Variants in CPEB3 observed in about 807,000 individuals in gnomAD.
CPEB3 encodes the protein cytoplasmic polyadenylation element binding protein 3, also known as cytoplasmic polyadenylation element-binding protein 3.
Under a neutral mutation model 67.2 loss-of-function variants are expected in CPEB3, and 20 were observed. That is an observed-to-expected ratio of 0.30 (90% confidence interval 0.21 to 0.43). CPEB3 has a LOEUF of 0.43. CPEB3 is among the 20% of genes least tolerant of loss of function. The pLI, the probability that CPEB3 is intolerant of heterozygous loss-of-function variation, is 1.00. For missense variants in CPEB3, 746 were observed against 968.6 expected (o/e 0.77, Z 3.05); for synonymous variants, 376 against 393.1 (o/e 0.96, Z 0.51).
intron 1 of CPEB3, among the ~76,000 whole-genome samples, chr10:92,281,444 C>T (rs1402435692): frequency 2.6e-5 from 4 of 152,008 alleles, no homozygotes; most frequent in East Asian, 3.9e-4. Flanking sequence ...AAATATAAGT[C>T]CCTTTTCAGA....
At chr10:92,260,396 C>T (rs1671991981) in intron 1 of CPEB3, among the ~76,000 whole-genome samples, 1 of 151,650 alleles carries the variant, frequency 6.6e-6, no homozygotes, top group African/African-American at 2.4e-5. Flanking sequence ...ACTAAAAATA[C>T]AAAAATTAGC....
intron 2 of CPEB3, among the ~76,000 whole-genome samples, chr10:92,224,349 T>A (rs1481091034): frequency 6.6e-6 from 1 of 152,190 alleles, no homozygotes; most frequent in Admixed American, 6.5e-5. Flanking sequence ...AAAAAAGCCT[T>A]ACAATAGCTA....
rs1316534639 is a variant in CPEB3, at chr10:92,050,084, G to T, written c.*2128C>A. ...TCCTTAAAAACAAAAAAAAAAATCTGCCAACTTTTGAAAACTGTCTAGAAT... is the reference window on the plus strand; with the variant it reads ...TCCTTAAAAACAAAAAAAAAAATCTTCCAACTTTTGAAAACTGTCTAGAAT... On this transcript the variant is annotated 3_prime_UTR_variant, in exon 10 of 10. Coordinates refer to ENST00000265997, the MANE Select transcript of CPEB3 (RefSeq NM_014912.5). The T allele has an allele frequency of 1.3e-5, 2 of 151,136 alleles. No individual in the cohort carries two copies. Among genetic ancestry groups the T allele is most frequent in the Non-Finnish European group, 3.0e-5 (2 of 67,796 alleles). 9.4% of individuals were successfully genotyped at this position (151,136 alleles called of 1,614,324 possible).
intron 9 of CPEB3, among the ~76,000 whole-genome samples, chr10:92,075,424 A>G (rs1842896218): frequency 6.6e-6 from 1 of 152,228 alleles, no homozygotes; most frequent in Non-Finnish European, 1.5e-5. Flanking sequence ...GACATGAAAT[A>G]CGGGATGATT....
intron 5 of CPEB3, among the ~76,000 whole-genome samples, chr10:92,143,807 G>T (rs1284915552): frequency 1.3e-5 from 2 of 152,128 alleles, no homozygotes; most frequent in African/African-American, 2.4e-5. Flanking sequence ...CTAATCAATA[G>T]ATGAGATTAA....
intron 2 of CPEB3, among the ~76,000 whole-genome samples, chr10:92,227,080 A>G (rs1851012724): frequency 6.6e-6 from 1 of 152,194 alleles, no homozygotes; most frequent in Non-Finnish European, 1.5e-5. Flanking sequence ...TATAAAATGA[A>G]AACTAATAGG....
At chr10:92,202,458 T>G (rs1849564955) in intron 2 of CPEB3, among the ~76,000 whole-genome samples, 1 of 149,196 alleles carries the variant, frequency 6.7e-6, no homozygotes, top group South Asian at 2.1e-4. Flanking sequence ...CATTCAGCAG[T>G]AAAAATAAAT....
chr10:92,063,075 T>C (rs1486174573), intron 9 of CPEB3, among the ~76,000 whole-genome samples: 4 of 152,138 alleles, frequency 2.6e-5, no homozygotes, highest in African/African-American at 9.7e-5. Context: ...GCTAGAGAAG[T>C]TGGTAAAGGG....
At position 92,164,056 on chromosome 10, in the gene CPEB3, T is replaced by C. The variant is rs561158307; in HGVS notation, c.1222+16907A>G. On this transcript the variant is annotated intron_variant, in intron 4 of 9. Transcript: ENST00000265997. ...CTGATAAGCAAAATACTAGCATTAC[T>C]GGGATATTTTATAAAGGAGAATGAC... Among the ~76,000 whole-genome samples the C allele has an allele frequency of 8.3e-4, 126 of 152,320 alleles. 2 individuals are homozygous for C. The highest frequency in any genetic ancestry group is 2.7e-3 in the African/African-American group (111 of 41,574).
chr10:92,172,301 C>A (rs539490888), intron 4 of CPEB3, among the ~76,000 whole-genome samples: 6 of 151,576 alleles, frequency 4.0e-5, no homozygotes, highest in East Asian at 1.9e-4. Flanking sequence ...ACAACAACAA[C>A]AAAAAAAACA....
rs1449122807 is a variant in CPEB3, at chr10:92,257,342, T to G, written c.-11-16981A>C. 1.3e-5 allele frequency among the ~76,000 whole-genome samples: 2 copies of G among 152,232 alleles called. 1 individual carries two copies. The highest frequency in any genetic ancestry group is 4.8e-5 in the African/African-American group (2 of 41,472). On this transcript the variant is annotated intron_variant, in intron 1 of 9. Transcript: ENST00000265997. ...AAGGCAGGGCCTCTGTCTCCCAGGT[T>G]GGAGTGCAGTGGTACCATCAGAGCT...
At chr10:92,136,094 G>T (rs1362298783) in intron 6 of CPEB3, among the ~76,000 whole-genome samples, 1 of 151,884 alleles carries the variant, frequency 6.6e-6, no homozygotes, top group Non-Finnish European at 1.5e-5. Context: ...AAACCAACAT[G>T]GCACATGTAT....
chr10:92,149,029 T>TA (rs551615007), intron 4 of CPEB3, among the ~76,000 whole-genome samples: 178 of 152,146 alleles, frequency 1.2e-3, no homozygotes, highest in Non-Finnish European at 2.9e-4. Flanking sequence ...ACCTCCCCAG[T>TA]AGCTGGGATT....
At chr10:92,203,007 T>C (rs1285686527) in intron 2 of CPEB3, among the ~76,000 whole-genome samples, 1 of 151,400 alleles carries the variant, frequency 6.6e-6, no homozygotes, top group Non-Finnish European at 1.5e-5. Flanking sequence ...AGTGGCGCCA[T>C]CTTGGCTCAC....
At chr10:92,148,389 A>G (rs1846794039) in intron 4 of CPEB3, among the ~76,000 whole-genome samples, 1 of 152,126 alleles carries the variant, frequency 6.6e-6, no homozygotes, top group African/African-American at 2.4e-5. Flanking sequence ...ATTAATTCCT[A>G]TTAATTCTTC....
chr10:92,098,286 C>T (rs958600261), intron 7 of CPEB3, among the ~76,000 whole-genome samples: 9 of 148,768 alleles, frequency 6.0e-5, no homozygotes, highest in Non-Finnish European at 1.3e-4. Context: ...AATACCTACA[C>T]TTCCAATAAT....
At chr10:92,146,380 A>G (rs182343580) in intron 4 of CPEB3, among the ~76,000 whole-genome samples, 1 of 152,210 alleles carries the variant, frequency 6.6e-6, no homozygotes, top group East Asian at 1.9e-4. Flanking sequence ...ATGAACCATT[A>G]GAGTACTCTA....
intron 2 of CPEB3, among the ~76,000 whole-genome samples, chr10:92,211,367 C>T (rs546123269): frequency 3.9e-5 from 6 of 152,050 alleles, no homozygotes; most frequent in South Asian, 4.2e-4. Flanking sequence ...TAATGGCATG[C>T]TAATGGAAGA....
At chr10:92,254,204 G>C (rs997738240) in intron 1 of CPEB3, among the ~76,000 whole-genome samples, 1 of 151,404 alleles carries the variant, frequency 6.6e-6, no homozygotes, top group African/African-American at 2.4e-5. Context: ...ACCTCAGCCT[G>C]GGCAACAGAG....
Sources: allele counts gnomAD v4.1 joint callset (sites outside exome capture counted in the v4.1 genomes callset), GRCh38; gene constraint gnomAD v4.1.1; transcripts MANE v1.5; gene names NCBI Gene and HGNC (gene_info 2026-07-23, HGNC 2026-07-21).